The following CNBD1 variants were observed in gnomAD, a reference collection of about 807,000 sequenced individuals.
CNBD1 encodes cyclic nucleotide-binding domain-containing protein 1.
In CNBD1, 71 loss-of-function variants were observed where a neutral mutation model predicts 54.4. The observed-to-expected ratio is 1.30, with a 90% CI of 1.08 to 1.59. The LOEUF (loss-of-function observed/expected upper bound fraction) is 1.59. Ranked by LOEUF, CNBD1 falls within the 40% of genes most tolerant of loss-of-function variation. The pLI is 0.00. For missense variants in CNBD1, 659 were observed against 518.0 expected, an observed-to-expected ratio of 1.27 and a Z score of -2.64; for synonymous variants, 182 against 170.7, an observed-to-expected ratio of 1.07 and a Z score of -0.51.
chr8:87,313,606 A>T (rs973986280), intron 8 of CNBD1, among the ~76,000 whole-genome samples: 1 of 151,976 alleles, frequency 6.6e-6, no homozygotes, highest in African/African-American at 2.4e-5. Context: ...TGTGTCCTGC[A>T]TAACAAGGGA....
At chr8:87,258,572 C>T (rs1211296228) in intron 6 of CNBD1, among the ~76,000 whole-genome samples, 3 of 151,968 alleles carry the variant, frequency 2.0e-5, no homozygotes, top group Non-Finnish European at 4.4e-5. Context: ...CAGGCATGAA[C>T]CACCATGCCA....
intron 2 of CNBD1, among the ~76,000 whole-genome samples, chr8:87,418,871 A>C (rs1807879707): frequency 6.6e-6 from 1 of 151,930 alleles, no homozygotes; most frequent in African/African-American, 2.4e-5. Context: ...AAAATGATGC[A>C]GCTGTTTTGG....
chr8:87,228,583 A>G (rs1814572721), intron 5 of CNBD1, among the ~76,000 whole-genome samples: 1 of 150,794 alleles, frequency 6.6e-6, no homozygotes, highest in Admixed American at 6.6e-5. Context: ...CCACTTGAGG[A>G]GGCAGTCCGC....
chr8:87,007,647 TA>T (rs1809130838), intron 4 of CNBD1, among the ~76,000 whole-genome samples: 1 of 152,178 alleles, frequency 6.6e-6, no homozygotes. Flanking sequence ...CAGATGAAAT[TA>T]AGTCACTTAC....
chr8:87,268,581 C>A (rs1412423211), intron 6 of CNBD1, among the ~76,000 whole-genome samples: 1 of 151,984 alleles, frequency 6.6e-6, no homozygotes, highest in African/African-American at 2.4e-5. Flanking sequence ...GGGAATGTAA[C>A]CTCACCAACA....
chr8:87,001,967 T>C (rs1240030611), intron 4 of CNBD1, among the ~76,000 whole-genome samples: 1 of 152,182 alleles, frequency 6.6e-6, no homozygotes, highest in Non-Finnish European at 1.5e-5. Flanking sequence ...AAAATGTTCT[T>C]TCTTTCATTT....
chr8:87,369,677 C>T (rs1389015404), intron 10 of CNBD1, among the ~76,000 whole-genome samples: 1 of 151,720 alleles, frequency 6.6e-6, no homozygotes, highest in Non-Finnish European at 1.5e-5. Flanking sequence ...CTGTTAGTAC[C>T]ATTGAGTATC....
intron 2 of CNBD1, among the ~76,000 whole-genome samples, chr8:87,406,447 T>TACACAC (rs36222951): frequency 1.1e-4 from 13 of 122,158 alleles, no homozygotes; most frequent in South Asian, 5.0e-4. Context: ...TATGTGTGTA[T>TACACAC]ACACACACAC....
intron 6 of CNBD1, among the ~76,000 whole-genome samples, chr8:87,273,655 AT>A (rs1808414087): frequency 6.6e-6 from 1 of 152,016 alleles, no homozygotes; most frequent in Non-Finnish European, 1.5e-5. Context: ...TTACTTTATC[AT>A]GAATATCGTT....
chr8:87,046,852 C>T (rs994148092), intron 4 of CNBD1, among the ~76,000 whole-genome samples: 5 of 152,124 alleles, frequency 3.3e-5, no homozygotes, highest in Admixed American at 1.3e-4. Context: ...ATCTCCTTTT[C>T]GCCCACTAGT....
At chr8:87,321,568 T>C (rs1328110446) in intron 8 of CNBD1, among the ~76,000 whole-genome samples, 2 of 152,136 alleles carry the variant, frequency 1.3e-5, no homozygotes, top group East Asian at 1.9e-4. Flanking sequence ...GTTATAGATG[T>C]TCCTTATATA....
At chr8:86,936,566 C>A (rs1189411233) in intron 3 of CNBD1, among the ~76,000 whole-genome samples, 2 of 151,878 alleles carry the variant, frequency 1.3e-5, no homozygotes, top group South Asian at 2.1e-4. Flanking sequence ...CTGTGAAACC[C>A]CATCTCTACT....
At chr8:87,209,828 TTGA>T (rs1223753281) in intron 5 of CNBD1, among the ~76,000 whole-genome samples, 2 of 152,130 alleles carry the variant, frequency 1.3e-5, no homozygotes, top group Non-Finnish European at 2.9e-5. Flanking sequence ...AACAGATATG[TTGA>T]TATGATAAGG....
At chr8:87,083,289 T>G (rs1406581962) in intron 4 of CNBD1, among the ~76,000 whole-genome samples, 1 of 152,190 alleles carries the variant, frequency 6.6e-6, no homozygotes. Flanking sequence ...TAGCTAGATC[T>G]TTTTCTTCCA....
chr8:87,212,010 T>A (rs1428879703), intron 5 of CNBD1, among the ~76,000 whole-genome samples: 2 of 152,158 alleles, frequency 1.3e-5, no homozygotes, highest in Non-Finnish European at 2.9e-5. Context: ...CCACATGGAT[T>A]AATAATGAAG....
intron 4 of CNBD1, among the ~76,000 whole-genome samples, chr8:86,967,823 G>T: frequency 6.9e-6 from 1 of 145,722 alleles, no homozygotes. Context: ...TTTTTAACCT[G>T]CAGTTTTGTT....
At chr8:86,938,355 G>T (rs1809588513) in intron 3 of CNBD1, among the ~76,000 whole-genome samples, 3 of 152,100 alleles carry the variant, frequency 2.0e-5, no homozygotes, top group Admixed American at 6.5e-5. Flanking sequence ...AACTCTGCCT[G>T]TTACCCAGTT....
intron 4 of CNBD1, among the ~76,000 whole-genome samples, chr8:86,970,508 G>A (rs1008607642): frequency 6.6e-6 from 1 of 151,822 alleles, no homozygotes; most frequent in Admixed American, 6.6e-5. Flanking sequence ...TTGTTACATG[G>A]GTATATTGTA....
chr8:87,206,133 G>A lies in CNBD1; in HGVS notation c.572G>A (p.Ser191Asn). The change falls in exon 5 of 11, where the codon AGC becomes AAC. Residue 191 changes from serine (S) to asparagine (N), a missense_variant. Transcript: ENST00000518476. The stretch of plus-strand genomic sequence containing the variant: ...TTTTCCGAAACCTGGTTGAAAGGCA[G>A]CACAGGTAATAGACTAATGTGGGAT... ...TVFSETWLKGSTVVANDGFYV... is the reference protein window; with the variant it reads ...TVFSETWLKGNTVVANDGFYV... 1.3e-6 allele frequency: 2 copies of A among 1,583,778 alleles called. No individual in the cohort carries two copies. Among genetic ancestry groups the A allele is most frequent in the Admixed American group, 1.9e-5 (1 of 53,988 alleles).
Sources: gnomAD v4.1 joint callset for allele counts (sites outside exome capture counted in the v4.1 genomes callset) on GRCh38, gnomAD v4.1.1 for gene constraint, MANE v1.5 for transcripts, NCBI Gene and HGNC (gene_info 2026-07-23, HGNC 2026-07-21) for gene names.